CTNND2: variants seen among roughly 807,000 people sequenced by gnomAD.
CTNND2 encodes the protein catenin delta-2.
A neutral mutation model predicts 144.4 loss-of-function variants in CTNND2; 22 were observed. That is an observed-to-expected ratio of 0.15 (90% CI 0.11 to 0.22). The LOEUF (loss-of-function observed/expected upper bound fraction) is 0.22, where lower values mean the gene tolerates loss of function less well. CTNND2 is among the 10% of genes least tolerant of loss of function. The pLI is 1.00. For missense variants in CTNND2, 1,353 were observed against 1,618.8 expected (o/e 0.84, Z 2.82); for synonymous variants, 751 against 695.6 (o/e 1.08, Z -1.25).
At chr5:11,444,276 T>G (rs1230445234) in intron 3 of CTNND2, among the ~76,000 whole-genome samples, 1 of 152,162 alleles carries the variant, frequency 6.6e-6, no homozygotes, top group Non-Finnish European at 1.5e-5. Context: ...CAAAGCATTT[T>G]CTCTTCTTCA....
chr5:11,072,559 G>T (rs569312782), intron 16 of CTNND2, among the ~76,000 whole-genome samples: 4 of 152,184 alleles, frequency 2.6e-5, no homozygotes, highest in African/African-American at 9.6e-5. Flanking sequence ...AACAATGTCC[G>T]AATTTCAACT....
intron 3 of CTNND2, among the ~76,000 whole-genome samples, chr5:11,523,100 T>C (rs569162498): frequency 6.6e-6 from 1 of 152,206 alleles, no homozygotes; most frequent in Non-Finnish European, 1.5e-5. Flanking sequence ...TAACTGATAC[T>C]AATTTCACAC....
chr5:11,803,106 G>C (rs1473046529), intron 1 of CTNND2, among the ~76,000 whole-genome samples: 5 of 152,156 alleles, frequency 3.3e-5, no homozygotes, highest in Admixed American at 3.3e-4. Flanking sequence ...TGGATCACGA[G>C]GTCAGGAGAT....
intron 2 of CTNND2, among the ~76,000 whole-genome samples, chr5:11,687,929 C>T (rs1168368548): frequency 1.3e-5 from 2 of 152,172 alleles, no homozygotes; most frequent in East Asian, 3.9e-4. Flanking sequence ...AAAGAAACAT[C>T]TCAGGCAGAG....
chr5:11,220,394 C>T (rs1260366716), intron 10 of CTNND2, among the ~76,000 whole-genome samples: 2 of 152,142 alleles, frequency 1.3e-5, no homozygotes, highest in African/African-American at 2.4e-5. Flanking sequence ...AGAAGATCCC[C>T]TGGGATTTAA....
At chr5:11,771,672 T>C (rs1225752858) in intron 1 of CTNND2, among the ~76,000 whole-genome samples, 1 of 152,220 alleles carries the variant, frequency 6.6e-6, no homozygotes, top group East Asian at 1.9e-4. Context: ...ATTTATGCAG[T>C]CACTGTAATA....
intron 11 of CTNND2, among the ~76,000 whole-genome samples, chr5:11,174,095 G>A (rs1022990822): frequency 6.6e-6 from 1 of 152,180 alleles, no homozygotes; most frequent in African/African-American, 2.4e-5. Flanking sequence ...AGATGGAGAC[G>A]TTCTGGCCTT....
At chr5:11,548,736 A>G (rs1213858741) in intron 3 of CTNND2, among the ~76,000 whole-genome samples, 1 of 152,198 alleles carries the variant, frequency 6.6e-6, no homozygotes, top group Non-Finnish European at 1.5e-5. Flanking sequence ...CCTTTAACAG[A>G]AAAACCACTC....
chr5:11,468,581 A>G (rs116037974), intron 3 of CTNND2, among the ~76,000 whole-genome samples: 4,020 of 152,266 alleles, frequency 0.026, 174 homozygotes, highest in African/African-American at 0.093. Context: ...AAACGTCCAA[A>G]GGGTGCTCGG....
chr5:11,114,379 G>A (rs544496722), intron 13 of CTNND2, among the ~76,000 whole-genome samples: 20 of 152,152 alleles, frequency 1.3e-4, no homozygotes, highest in East Asian at 9.7e-4. Context: ...GGATGGGGGC[G>A]GATGGGGAGG....
rs1344015889 is a variant in CTNND2 at position 10,988,393 on chromosome 5, G to C, written c.3212-151C>G. ...TTTTCTTTTTAATTTTTATTTTTTG[G>C]CAGTTTTGGCTCTTGTCCCTGCCCC... On this transcript the variant is annotated intron_variant, in intron 19 of 21. Transcript: ENST00000304623. This position sits in a 1 kb window ranked among gnomAD's most constrained non-coding sequence, Gnocchi z 5.9. 4.4e-6 allele frequency: 4 copies of C among 906,928 alleles called. No homozygotes were observed. The highest frequency in any genetic ancestry group is 6.5e-6 in the Non-Finnish European group (4 of 619,160). The allele number at this position is 906,928 out of a possible 1,614,324, so 56.2% of individuals were successfully genotyped here. A position where few individuals can be genotyped will look rare whatever the true frequency, so the allele number is the denominator to read the frequency against.
rs114841467 is a variant in CTNND2, at chr5:10,999,684, C to T, written c.3085-7007G>A. ...CTCAAATTGGTTTTTATTTTTAACA[C>T]ATTACACTTAAAACTGGAGGTTGTT... On this transcript the variant is annotated intron_variant, in intron 18 of 21. Coordinates refer to ENST00000304623, the MANE Select transcript of CTNND2 (RefSeq NM_001332.4). Among the ~76,000 whole-genome samples, 240 of 152,318 alleles carry T rather than the reference C, an allele frequency of 1.6e-3. 2 individuals carry two copies. The highest frequency in any genetic ancestry group is 5.6e-3 in the African/African-American group (234 of 41,574).
chr5:11,900,468 A>G (rs1436282488), intron 1 of CTNND2, among the ~76,000 whole-genome samples: 1 of 152,224 alleles, frequency 6.6e-6, no homozygotes, highest in East Asian at 1.9e-4. Context: ...TATTAAACCC[A>G]ACCAGGCAGT....
At chr5:11,448,799 G>C (rs1381911058) in intron 3 of CTNND2, among the ~76,000 whole-genome samples, 1 of 152,098 alleles carries the variant, frequency 6.6e-6, no homozygotes, top group East Asian at 1.9e-4. Context: ...CTCCCAAAAA[G>C]CTGGAACTAT....
In CTNND2 at chr5:11,017,976, T is replaced by G. The variant is rs1741807664; in HGVS notation, c.3082A>C (p.Lys1028Gln). 6.2e-7 allele frequency: 1 copy of G among 1,612,796 alleles called. No homozygotes were observed. ...QYRDLRSLYK[K>Q]DGWSQYHFVA... Reference sequence around the variant, plus strand: ...GGCCCAGGTGAAGCCAGCCTTACCTTTTTGTAGAGACTCCTCAGATCTCGG... The same window carrying G: ...GGCCCAGGTGAAGCCAGCCTTACCTGTTTGTAGAGACTCCTCAGATCTCGG... The change falls in exon 18 of 22, where the codon AAG becomes CAG. Residue 1028 changes from lysine (K) to glutamine (Q), a missense_variant and splice_region_variant. Physicochemically the swap from Lys to Gln is moderately conservative, Grantham distance 53. Coordinates refer to ENST00000304623, the MANE Select transcript of CTNND2 (RefSeq NM_001332.4).
chr5:11,055,410 T>G (rs1746255053), intron 16 of CTNND2, among the ~76,000 whole-genome samples: 1 of 152,164 alleles, frequency 6.6e-6, no homozygotes, highest in African/African-American at 2.4e-5. Flanking sequence ...AACCAAACTT[T>G]ATCAGAACTG....
At chr5:11,229,021 T>G (rs1194505528) in intron 10 of CTNND2, among the ~76,000 whole-genome samples, 2 of 152,228 alleles carry the variant, frequency 1.3e-5, no homozygotes, top group African/African-American at 4.8e-5. Flanking sequence ...TGTGTAAGTT[T>G]ACTATATAAG....
At chr5:11,701,094 G>A (rs1313203086) in intron 2 of CTNND2, among the ~76,000 whole-genome samples, 6 of 152,148 alleles carry the variant, frequency 3.9e-5, no homozygotes, top group African/African-American at 9.7e-5. Flanking sequence ...CTTTTATGAC[G>A]TCTAAAGAAA....
intron 2 of CTNND2, among the ~76,000 whole-genome samples, chr5:11,667,110 G>T (rs1217143500): frequency 6.6e-6 from 1 of 152,068 alleles, no homozygotes; most frequent in Non-Finnish European, 1.5e-5. Context: ...TCCTTTTTAT[G>T]GCTCCATAAT....
Sources: gnomAD v4.1 joint callset for allele counts (sites outside exome capture counted in the v4.1 genomes callset) on GRCh38, gnomAD v4.1.1 for gene constraint, Gnocchi (gnomAD v3.1) non-coding constraint, MANE v1.5 for transcripts, NCBI Gene and HGNC (gene_info 2026-07-23, HGNC 2026-07-21) for gene names.